The following COL9A3 variants were observed in gnomAD, a reference collection of about 807,000 sequenced individuals.
The protein encoded by COL9A3 is collagen alpha-3(IX) chain.
In COL9A3, 82 loss-of-function variants were observed where a neutral mutation model predicts 110.2. That is an observed-to-expected ratio of 0.74 (90% CI 0.62 to 0.89). The LOEUF is 0.89. Ranked by LOEUF, COL9A3 falls within the 40% of genes least tolerant of loss-of-function variation. The probability of loss-of-function intolerance (pLI) is 0.00; values close to 1 mark genes in which losing one functional copy is unlikely to be tolerated. For synonymous variants in COL9A3, 494 were observed against 403.8 expected (o/e 1.22, Z -2.68); for missense variants, 1,066 against 981.3 (o/e 1.09, Z -1.15).
At chr20:62,834,060 G>A (rs979433271) in intron 26 of COL9A3, among the ~76,000 whole-genome samples, 2 of 152,140 alleles carry the variant, frequency 1.3e-5, no homozygotes, top group Non-Finnish European at 2.9e-5. Context: ...TTTTAGTAGA[G>A]ACAAGGTTTC....
In COL9A3 at chr20:62,837,184, G is replaced by A; in HGVS notation, c.1705G>A (p.Gly569Ser). The A allele has an allele frequency of 6.2e-7, 1 of 1,612,680 alleles. No homozygotes were observed. Among genetic ancestry groups the A allele is most frequent in the Non-Finnish European group, 8.5e-7 (1 of 1,179,738 alleles). The stretch of plus-strand genomic sequence containing the variant: ...CCCCCCTGGGCCCCCAGGACCCCCA[G>A]GCTCCATTGGTCACCCTGGCGCTCG... ...AGPPGPPGPP[G>S]SIGHPGARGP... Residue 569 changes from glycine (G) to serine (S), a missense_variant, in exon 30 of 32, where the codon GGC becomes AGC. By Grantham distance (56) the Gly-to-Ser change is moderately conservative. Transcript: ENST00000649368.
At chr20:62,826,981 T>C (rs998028368) in intron 15 of COL9A3, among the ~76,000 whole-genome samples, 161 bp downstream of exon 15, 2 of 152,142 alleles carry the variant, frequency 1.3e-5, no homozygotes, top group African/African-American at 4.8e-5. Context: ...CGGGGGTGCT[T>C]ACCAATGGAA....
At position 62,819,993 on chromosome 20, in the gene COL9A3, G is replaced by A. The variant is rs146033082; in HGVS notation, c.309+11G>A. 1.0e-3 allele frequency: 1,675 copies of A among 1,612,722 alleles called. 17 individuals carry two copies. The African/African-American group carries it at 0.018, about 17-fold the overall frequency. ...GCCCCTGGGGAACGGGTAAGTGCCT[G>A]CGCCGAACCCAGTGGCTTGGGTTCA... On this transcript the variant is annotated intron_variant, in intron 5 of 31. Coordinates refer to ENST00000649368, the MANE Select transcript of COL9A3 (RefSeq NM_001853.4).
chr20:62,824,883 T>G (rs2063538012), intron 11 of COL9A3, 85 bp from the exon 12 acceptor site: 3 of 1,402,240 alleles, frequency 2.1e-6, no homozygotes, highest in Non-Finnish European at 2.0e-6. Flanking sequence ...CTGGGCTGAC[T>G]GACCCTGCAG....
upstream of COL9A3, chr20:62,816,990 A>AGGGGCC (rs898935197): frequency 3.9e-5 from 33 of 848,998 alleles, no homozygotes; most frequent in Non-Finnish European, 4.8e-5. Flanking sequence ...GGGAAGGGGA[A>AGGGGCC]GGGGCCGCCC....
chr20:62,837,313 G>C (rs781429271), intron 30 of COL9A3, 48 bp downstream of exon 30: 4 of 1,583,510 alleles, frequency 2.5e-6, no homozygotes, highest in African/African-American at 2.7e-5. Flanking sequence ...AAAAATCCCT[G>C]AGACTGACTT....
chr20:62,823,363 C>T (rs2063525721), intron 10 of COL9A3, among the ~76,000 whole-genome samples: 1 of 152,188 alleles, frequency 6.6e-6, no homozygotes, highest in African/African-American at 2.4e-5. Context: ...AGAAAATGGG[C>T]TTCGGAGGCC....
At position 62,819,050 on chromosome 20, in the gene COL9A3, C is replaced by T. The variant is rs537985418; in HGVS notation, c.184-172C>T. On this transcript the variant is annotated intron_variant, in intron 3 of 31. Coordinates refer to ENST00000649368, the MANE Select transcript of COL9A3 (RefSeq NM_001853.4). ...GCCAGCAAGGTGTGGGCAAGCAGGA[C>T]ACACGTGCCCCAGCTGAGCCGGGTC... 2.6e-5 allele frequency among the ~76,000 whole-genome samples: 4 copies of T among 152,320 alleles called. No homozygotes were observed. The South Asian group carries it at 6.2e-4, about 24-fold the overall frequency.
At chr20:62,817,698 C>T (rs1990980804) in intron 2 of COL9A3, 63 bp downstream of exon 2, 2 of 1,134,336 alleles carry the variant, frequency 1.8e-6, no homozygotes, top group Non-Finnish European at 2.5e-6. Context: ...CCCCACCTCC[C>T]TGAGCTCCCC....
At position 62,832,169 on chromosome 20, in the gene COL9A3, G is replaced by A. The variant is rs2147220563; in HGVS notation, c.1303G>A (p.Ala435Thr). 3.1e-6 allele frequency: 5 copies of A among 1,612,960 alleles called. No individual in the cohort carries two copies. The highest frequency in any genetic ancestry group is 2.2e-5 in the East Asian group (1 of 44,896). ...DVGDRGPGGA[A>T]GPKGDQGIAG... ...CCACATCCAGGGTCCGGGAGGTGCC[G>A]CAGGCCCTAAGGGAGACCAGGTGAG... Residue 435 changes from alanine to threonine, a missense_variant, in exon 25 of 32, where the codon GCA (alanine) becomes ACA (threonine). Physicochemically the swap from Ala to Thr is moderately conservative, Grantham distance 58 (BLOSUM62 0). Transcript: ENST00000649368.
intron 16 of COL9A3, 97 bp downstream of exon 16, chr20:62,827,391 G>A (rs988855692): frequency 3.2e-5 from 42 of 1,319,920 alleles, no homozygotes; most frequent in African/African-American, 1.3e-4. Context: ...TTGGGAGTGA[G>A]ACTGCAAGGG....
At position 62,817,147 on chromosome 20, in the gene COL9A3, G is replaced by T; in HGVS notation, c.78+5G>T. 1 of 1,392,592 alleles carries T rather than the reference G, an allele frequency of 7.2e-7. No homozygotes were observed. Among genetic ancestry groups the T allele is most frequent in the South Asian group, 1.4e-5 (1 of 70,080 alleles). The allele number at this position is 1,392,592 out of a possible 1,614,324, so 86.3% of individuals were successfully genotyped here. A position where few individuals can be genotyped will look rare whatever the true frequency, so the allele number is the denominator to read the frequency against. On this transcript the variant is annotated splice_donor_5th_base_variant and intron_variant, in intron 1 of 31. Coordinates refer to ENST00000649368, the MANE Select transcript of COL9A3 (RefSeq NM_001853.4). ...CTGGCGGCCGCCGGGGCGCAGGTGA[G>T]CGCGAGCTCCGGGCTCTGAGGCTGG...
chr20:62,840,474 C>A, intron 31 of COL9A3, 68 bp from the exon 32 acceptor site: 1 of 1,419,464 alleles, frequency 7.0e-7, no homozygotes. Flanking sequence ...TTGCCCACAG[C>A]TGGATGTCAA....
intron 26 of COL9A3, among the ~76,000 whole-genome samples, chr20:62,834,711 C>T (rs796282463): frequency 6.6e-6 from 1 of 151,976 alleles, no homozygotes; most frequent in Non-Finnish European, 1.5e-5. Flanking sequence ...GGTGTGATCT[C>T]AGCTCACTGC....
chr20:62,837,039 T>C (rs755750138), intron 29 of COL9A3, 44 bp from the exon 30 acceptor site: 1 of 1,605,364 alleles, frequency 6.2e-7, no homozygotes, highest in Non-Finnish European at 8.5e-7. Flanking sequence ...ATACTTCTGA[T>C]GATCCTCTCT....
At chr20:62,825,633 C>A in intron 12 of COL9A3, 184 bp from the exon 13 acceptor site, 1 of 668,542 alleles carries the variant, frequency 1.5e-6, no homozygotes, top group Non-Finnish European at 2.7e-6. Context: ...AGGGCGAGGC[C>A]ACCGAGACTC....
intron 30 of COL9A3, 120 bp downstream of exon 30, chr20:62,837,385 G>A (rs2063645335): frequency 3.7e-6 from 4 of 1,085,458 alleles, no homozygotes; most frequent in South Asian, 2.6e-5. Flanking sequence ...TGGAACGTGG[G>A]GGCCTCTCAT....
intron 26 of COL9A3, 22 bp downstream of exon 26, chr20:62,833,086 CTG>C: frequency 1.9e-6 from 3 of 1,601,396 alleles, no homozygotes; most frequent in Non-Finnish European, 2.6e-6. Context: ...GGTAACCTCA[CTG>C]TTACCAACAG....
At chr20:62,826,638 C>T (rs1377679052) in intron 14 of COL9A3, 129 bp from the exon 15 acceptor site, 8 of 984,474 alleles carry the variant, frequency 8.1e-6, no homozygotes, top group South Asian at 6.9e-5. Flanking sequence ...TAGGTGGCAT[C>T]TTGGGGGAAC....
Sources: gnomAD v4.1 joint callset for allele counts (sites outside exome capture counted in the v4.1 genomes callset) on GRCh38, gnomAD v4.1.1 for gene constraint, MANE v1.5 for transcripts, NCBI Gene and HGNC (gene_info 2026-07-23, HGNC 2026-07-21) for gene names.